The following MARK4 variants were observed in gnomAD, a reference collection of about 807,000 sequenced individuals.
MARK4 encodes microtubule affinity regulating kinase 4, also known as MAP/microtubule affinity-regulating kinase 4.
A neutral mutation model predicts 81.5 loss-of-function variants in MARK4; 19 were observed. The observed-to-expected ratio is 0.23, with a 90% CI of 0.16 to 0.34. The LOEUF is 0.34. Among genes scored for constraint, MARK4 ranks in the 10% least tolerant of loss-of-function variants. MARK4 has a pLI of 1.00. For missense variants in MARK4, 772 were observed against 1,058.8 expected, an observed-to-expected ratio of 0.73 and a Z score of 3.76; for synonymous variants, 436 against 439.0, an observed-to-expected ratio of 0.99 and a Z score of 0.08.
At chr19:45,283,409 CAAAAA>C (rs869039919) in intron 12 of MARK4, among the ~76,000 whole-genome samples, 15 of 86,412 alleles carry the variant, frequency 1.7e-4, no homozygotes, top group African/African-American at 4.4e-4. Context: ...GACTTCCTCT[CAAAAA>C]AAAAAAAAAA....
chr19:45,268,287 A>C (rs1049410418), intron 7 of MARK4, among the ~76,000 whole-genome samples: 1 of 151,806 alleles, frequency 6.6e-6, no homozygotes, highest in Non-Finnish European at 1.5e-5. Context: ...ACAAAAAATA[A>C]TTGTAAAAAA....
At chr19:45,295,763 A>C (rs1456948841) in intron 14 of MARK4, among the ~76,000 whole-genome samples, 1 of 151,860 alleles carries the variant, frequency 6.6e-6, no homozygotes, top group African/African-American at 2.4e-5. Flanking sequence ...TGAGCCACAC[A>C]GCAAGAATCC....
At chr19:45,278,368 GGA>G (rs1970628985) in intron 9 of MARK4, 146 bp from the exon 10 acceptor site, 10 of 742,352 alleles carry the variant, frequency 1.3e-5, no homozygotes, top group South Asian at 4.9e-5. Context: ...GGGACGTGGG[GGA>G]GAGAGAGGCC....
At chr19:45,264,788 C>T in intron 5 of MARK4, 39 bp downstream of exon 5, 2 of 1,613,884 alleles carry the variant, frequency 1.2e-6, no homozygotes, top group Non-Finnish European at 1.7e-6. Context: ...CCTGTGCCAC[C>T]TCCCCCTGCC....
chr19:45,265,021 C>A, intron 6 of MARK4, 111 bp downstream of exon 6: 1 of 1,061,118 alleles, frequency 9.4e-7, no homozygotes, highest in Non-Finnish European at 1.4e-6. Context: ...GGGCTTAAGT[C>A]TGGGCAGGGG....
At chr19:45,261,470 C>T (rs1368771845) in intron 2 of MARK4, among the ~76,000 whole-genome samples, 2 of 152,144 alleles carry the variant, frequency 1.3e-5, no homozygotes, top group African/African-American at 4.8e-5. Flanking sequence ...CGTCTCAATA[C>T]TGGCATAAAA....
chr19:45,293,161 C>T (rs764089734), intron 13 of MARK4, among the ~76,000 whole-genome samples: 2 of 151,940 alleles, frequency 1.3e-5, no homozygotes, highest in African/African-American at 2.4e-5. Context: ...CCCAGCTACT[C>T]GGGAGACTAA....
intron 13 of MARK4, among the ~76,000 whole-genome samples, chr19:45,288,849 C>CAAA (rs34269496): frequency 0.021 from 2,196 of 102,822 alleles, 122 homozygotes; most frequent in African/African-American, 0.071. Flanking sequence ...GACTCTGTCT[C>CAAA]AAAAAAAAAA....
chr19:45,287,754 C>T, intron 13 of MARK4, 90 bp downstream of exon 13: 1 of 1,396,344 alleles, frequency 7.2e-7, no homozygotes, highest in Non-Finnish European at 9.9e-7. Flanking sequence ...CCAGACGGAA[C>T]TCCTTCTTAC....
rs1971013100 is a variant in MARK4 at position 45,303,798 on chromosome 19, G to C, written c.*1088G>C. On this transcript the variant is annotated 3_prime_UTR_variant, in exon 17 of 17. Transcript: ENST00000262891. Reference sequence around the variant, plus strand: ...CCATTGTCTTGGGGAGCCCAGAAGAGAAAGTGGGCAGGGTGGGGTCATTGG... The same window carrying C: ...CCATTGTCTTGGGGAGCCCAGAAGACAAAGTGGGCAGGGTGGGGTCATTGG... 6.6e-6 allele frequency: 1 copy of C among 152,246 alleles called. No individual in the cohort carries two copies. 9.4% of individuals were successfully genotyped at this position (152,246 alleles called of 1,614,324 possible). A position where few individuals can be genotyped will look rare whatever the true frequency, so the allele number is the denominator to read the frequency against.
chr19:45,265,419 G>T (rs1318721673), intron 6 of MARK4, among the ~76,000 whole-genome samples: 6 of 152,018 alleles, frequency 3.9e-5, no homozygotes, highest in Non-Finnish European at 8.8e-5. Context: ...CCGGTATGTG[G>T]GTGCCCGGGT....
intron 12 of MARK4, among the ~76,000 whole-genome samples, chr19:45,285,261 C>CAAAAAA (rs71173139): frequency 1.8e-5 from 1 of 57,102 alleles, no homozygotes; most frequent in African/African-American, 6.6e-5. Flanking sequence ...TGCCGTGTCT[C>CAAAAAA]AAAAAAAAAA....
chr19:45,264,323 G>T (rs762012649), intron 4 of MARK4, among the ~76,000 whole-genome samples: 1 of 152,052 alleles, frequency 6.6e-6, no homozygotes, highest in Non-Finnish European at 1.5e-5. Context: ...CCAACATGGA[G>T]AAACCCCGTA....
chr19:45,265,151 G>T (rs1009889724), intron 6 of MARK4, among the ~76,000 whole-genome samples: 1 of 152,206 alleles, frequency 6.6e-6, no homozygotes, highest in Non-Finnish European at 1.5e-5. Context: ...AAGGCGCCCC[G>T]GTGGGCAGGT....
At chr19:45,266,375 C>A in intron 7 of MARK4, 94 bp downstream of exon 7, 1 of 1,171,784 alleles carries the variant, frequency 8.5e-7, no homozygotes, top group Non-Finnish European at 1.3e-6. Context: ...TGGCCTCCAG[C>A]AAATTCCTCC....
chr19:45,280,866 TA>T, intron 12 of MARK4, 132 bp downstream of exon 12: 5 of 1,301,132 alleles, frequency 3.8e-6, no homozygotes, highest in Middle Eastern at 2.8e-4. Context: ...AGGAATGTCT[TA>T]TAAAGACACA....
At chr19:45,299,295 G>A (rs576023357) in intron 15 of MARK4, among the ~76,000 whole-genome samples, 1 of 152,108 alleles carries the variant, frequency 6.6e-6, no homozygotes, top group Non-Finnish European at 1.5e-5. Flanking sequence ...GATGTGGCAC[G>A]CGCCTGTAGT....
At chr19:45,261,461 G>A (rs867313561) in intron 2 of MARK4, among the ~76,000 whole-genome samples, 18 of 152,224 alleles carry the variant, frequency 1.2e-4, no homozygotes, top group African/African-American at 3.6e-4. Flanking sequence ...CCATATGATC[G>A]TCTCAATACT....
chr19:45,291,512 G>C (rs1386275503), intron 13 of MARK4, among the ~76,000 whole-genome samples: 1 of 152,246 alleles, frequency 6.6e-6, no homozygotes, highest in Non-Finnish European at 1.5e-5. Context: ...GCCAGGCGCG[G>C]TGGCTTACGC....
Sources: allele counts gnomAD v4.1 joint callset (sites outside exome capture counted in the v4.1 genomes callset), GRCh38; gene constraint gnomAD v4.1.1; transcripts MANE v1.5; gene names NCBI Gene and HGNC (gene_info 2026-07-23, HGNC 2026-07-21).